Variants in PLXDC2 observed in about 807,000 individuals in gnomAD.
PLXDC2 encodes the protein plexin domain containing 2.
Under a neutral mutation model 68.9 loss-of-function variants are expected in PLXDC2, and 40 were observed. The observed-to-expected ratio is 0.58, with a 90% CI of 0.45 to 0.76. The LOEUF (loss-of-function observed/expected upper bound fraction) is 0.76, where lower values mean the gene tolerates loss of function less well. Ranked by LOEUF, PLXDC2 falls within the 30% of genes least tolerant of loss-of-function variation. PLXDC2 has a pLI of 0.00. For synonymous variants in PLXDC2, 243 were observed against 234.2 expected, an observed-to-expected ratio of 1.04 and a Z score of -0.34; for missense variants, 644 against 661.9, an observed-to-expected ratio of 0.97 and a Z score of 0.30.
intron 2 of PLXDC2, chr10:20,043,265 C>T (rs1010528159): frequency 5.3e-5 from 8 of 152,078 alleles, no homozygotes; most frequent in African/African-American, 1.7e-4. Context: ...ACTTGGCAAG[C>T]GTGGGCTCTA....
intron 12 of PLXDC2, among the ~76,000 whole-genome samples, chr10:20,228,153 A>G (rs7070780): frequency 0.38 from 58,483 of 152,050 alleles, 11,785 homozygotes; most frequent in Middle Eastern, 0.5. Context: ...TTTTCTATAT[A>G]AGCCTGAAAT....
At chr10:20,119,407 CAGTG>C (rs1833665518) in intron 4 of PLXDC2, among the ~76,000 whole-genome samples, 2 of 150,564 alleles carry the variant, frequency 1.3e-5, no homozygotes, top group African/African-American at 4.9e-5. Flanking sequence ...ACAAGGTACT[CAGTG>C]GGGGAGCTTG....
intron 12 of PLXDC2, among the ~76,000 whole-genome samples, chr10:20,241,920 C>T (rs936209971): frequency 2.0e-5 from 3 of 151,942 alleles, no homozygotes; most frequent in Admixed American, 6.6e-5. Context: ...TAGAATCAGA[C>T]ACTGGATGGG....
At chr10:20,146,102 A>G (rs1834073854) in intron 5 of PLXDC2, among the ~76,000 whole-genome samples, 1 of 152,200 alleles carries the variant, frequency 6.6e-6, no homozygotes, top group African/African-American at 2.4e-5. Flanking sequence ...TAGAGACAAG[A>G]TGCAAGTCTA....
intron 12 of PLXDC2, among the ~76,000 whole-genome samples, chr10:20,240,588 T>G (rs1835501229): frequency 1.3e-5 from 2 of 151,920 alleles, no homozygotes; most frequent in Admixed American, 1.3e-4. Flanking sequence ...CAGCTTCAGA[T>G]TTAACAGTCT....
intron 1 of PLXDC2, among the ~76,000 whole-genome samples, chr10:19,912,459 A>C (rs918979958): frequency 6.6e-6 from 1 of 152,158 alleles, no homozygotes; most frequent in African/African-American, 2.4e-5. Flanking sequence ...TAGTTATCAA[A>C]CATCTCTTAT....
chr10:20,154,064 G>A (rs975959750), intron 6 of PLXDC2, among the ~76,000 whole-genome samples: 8 of 151,648 alleles, frequency 5.3e-5, no homozygotes, highest in South Asian at 2.1e-4. Flanking sequence ...AAAAAAAACC[G>A]GATCCTTTCT....
chr10:19,905,164 T>C (rs918396845), intron 1 of PLXDC2, among the ~76,000 whole-genome samples: 3 of 152,238 alleles, frequency 2.0e-5, no homozygotes, highest in African/African-American at 7.2e-5. Context: ...ATTTTTTCCT[T>C]GTTGATAGAT....
intron 1 of PLXDC2, among the ~76,000 whole-genome samples, chr10:19,840,680 C>T (rs886377072): frequency 6.6e-6 from 1 of 151,950 alleles, no homozygotes; most frequent in Non-Finnish European, 1.5e-5. Context: ...ATTTATATGA[C>T]CTCATAAAAA....
At chr10:19,836,169 C>T (rs751755880) in intron 1 of PLXDC2, among the ~76,000 whole-genome samples, 57 of 151,752 alleles carry the variant, frequency 3.8e-4, no homozygotes, top group Non-Finnish European at 6.8e-4. Flanking sequence ...AGAGTGAGAC[C>T]CTGTCTGAAA....
At chr10:20,038,459 A>G (rs1422851777) in intron 2 of PLXDC2, among the ~76,000 whole-genome samples, 1 of 152,092 alleles carries the variant, frequency 6.6e-6, no homozygotes, top group Admixed American at 6.6e-5. Flanking sequence ...CAGGAGACAG[A>G]TGGATTGAAT....
chr10:20,082,048 A>AAAAAAAC, intron 4 of PLXDC2, among the ~76,000 whole-genome samples: 2 of 141,354 alleles, frequency 1.4e-5, no homozygotes, highest in African/African-American at 5.3e-5. Flanking sequence ...TCCATCTGAA[A>AAAAAAAC]AAAAAAAAAA....
At chr10:20,145,035 AATC>A (rs1834054387) in intron 5 of PLXDC2, among the ~76,000 whole-genome samples, 1 of 152,218 alleles carries the variant, frequency 6.6e-6, no homozygotes, top group Non-Finnish European at 1.5e-5. Context: ...GGCTATAAGA[AATC>A]ATTTTATCTC....
chr10:19,880,454 A>G (rs1445859260), intron 1 of PLXDC2, among the ~76,000 whole-genome samples: 1 of 152,218 alleles, frequency 6.6e-6, no homozygotes, highest in Non-Finnish European at 1.5e-5. Flanking sequence ...GTAACAGGAC[A>G]GTGTAGTAAA....
At chr10:19,920,795 C>G (rs1467902229) in intron 1 of PLXDC2, among the ~76,000 whole-genome samples, 3 of 152,160 alleles carry the variant, frequency 2.0e-5, no homozygotes, top group Non-Finnish European at 4.4e-5. Context: ...TGGCCTCAAG[C>G]AACCTGCTGG....
chr10:20,226,996 G>A lies in PLXDC2; in HGVS notation c.1312+7894G>A, dbSNP rs568529526. Among the ~76,000 whole-genome samples the A allele has an allele frequency of 5.8e-4, 88 of 152,012 alleles. 4 individuals carry two copies. In the South Asian group the frequency reaches 0.018, roughly 31 times the overall value. The stretch of plus-strand genomic sequence containing the variant: ...CCCAATATTTCCAATGCCCCTTCTC[G>A]GTGTGTTCTACATGTGTAAAGTGAT... On this transcript the variant is annotated intron_variant, in intron 12 of 13. Transcript: ENST00000377252.
intron 1 of PLXDC2, among the ~76,000 whole-genome samples, chr10:19,989,624 C>T (rs367896251): frequency 6.6e-6 from 1 of 152,200 alleles, no homozygotes; most frequent in Middle Eastern, 3.4e-3. Context: ...CTGAGCCCTG[C>T]ACCCAGGATG....
Position 19,916,126 on chromosome 10 carries a change from G to GTTTTTTTTTTTTT in PLXDC2, c.113-85645_113-85644insTTTTTTTTTTTTT, listed in dbSNP as rs200823056. Among the ~76,000 whole-genome samples, 2 of 125,708 alleles carry GTTTTTTTTTTTTT rather than the reference G, an allele frequency of 1.6e-5. 1 individual carries two copies. Among genetic ancestry groups the GTTTTTTTTTTTTT allele is most frequent in the Non-Finnish European group, 3.3e-5 (2 of 60,938 alleles). 82.5% of individuals were successfully genotyped at this position (125,708 alleles called of 152,430 possible). A position where few individuals can be genotyped will look rare whatever the true frequency, so the allele number is the denominator to read the frequency against. The stretch of plus-strand genomic sequence containing the variant: ...GGGGAAATTATGTGGAGGGAGTTGT[G>GTTTTTTTTTTTTT]TTTTGTTTTGTTTTTTTTTTTTAAT... On this transcript the variant is annotated intron_variant, in intron 1 of 13. Coordinates refer to ENST00000377252, the MANE Select transcript of PLXDC2 (RefSeq NM_032812.9).
At chr10:19,834,795 T>G (rs746565019) in intron 1 of PLXDC2, among the ~76,000 whole-genome samples, 1 of 152,212 alleles carries the variant, frequency 6.6e-6, no homozygotes, top group Non-Finnish European at 1.5e-5. Context: ...AGCATTGTGA[T>G]GTGAAGGGAT....
Sources: allele counts gnomAD v4.1 joint callset (sites outside exome capture counted in the v4.1 genomes callset), GRCh38; gene constraint gnomAD v4.1.1; transcripts MANE v1.5; gene names NCBI Gene and HGNC (gene_info 2026-07-23, HGNC 2026-07-21).